TMEM223: variants seen among roughly 807,000 people sequenced by gnomAD.
The protein encoded by TMEM223 is transmembrane protein 223.
Under a neutral mutation model 14.1 loss-of-function variants are expected in TMEM223, and 14 were observed. That is an observed-to-expected ratio of 0.99 (90% CI 0.66 to 1.55). TMEM223 has a LOEUF of 1.55. Among genes scored for constraint, TMEM223 ranks in the 40% most tolerant of loss-of-function variants. The probability of loss-of-function intolerance (pLI) is 0.00; values close to 1 mark genes in which losing one functional copy is unlikely to be tolerated. For missense variants in TMEM223, 346 were observed against 269.9 expected (o/e 1.28, Z -1.97); for synonymous variants, 145 against 120.5 (o/e 1.20, Z -1.33).
downstream of TMEM223, among the ~76,000 whole-genome samples, chr11:62,788,815 C>G (rs1002413832): frequency 2.0e-5 from 3 of 152,192 alleles, no homozygotes; most frequent in African/African-American, 7.2e-5. Context: ...TATTCATTGC[C>G]TATTTTCTGA....
chr11:62,787,096 G>C (rs764099397), downstream of TMEM223: 3 of 1,541,674 alleles, frequency 1.9e-6, no homozygotes, highest in South Asian at 3.5e-5. Context: ...CCCGCGCGGC[G>C]CCCCGCACTT....
chr11:62,789,702 A>G (rs1042190018), downstream of TMEM223: 1 of 1,529,324 alleles, frequency 6.5e-7, no homozygotes, highest in Admixed American at 2.2e-5. Context: ...GATAGGAGGA[A>G]AAACTGACAT....
chr11:62,787,144 T>C (rs754426905), downstream of TMEM223: 1 of 1,568,902 alleles, frequency 6.4e-7, no homozygotes, highest in South Asian at 1.1e-5. Context: ...TGGGAGGCGC[T>C]GCCGCGGGCG....
intron 2 of TMEM223, among the ~76,000 whole-genome samples, chr11:62,774,395 A>G (rs2084170517): frequency 6.6e-6 from 1 of 152,124 alleles, no homozygotes; most frequent in African/African-American, 2.4e-5. Flanking sequence ...TCTTTATTTC[A>G]AAGACAATGG....
chr11:62,787,466 C>T (rs773006201), downstream of TMEM223: 11 of 1,575,510 alleles, frequency 7.0e-6, no homozygotes, highest in Admixed American at 1.7e-5. Context: ...GTCGAGCTTG[C>T]GCTCTTTGCT....
At chr11:62,789,148 C>T (rs755966443), downstream of TMEM223, 3 of 1,614,164 alleles carry the variant, frequency 1.9e-6, no homozygotes, top group East Asian at 2.2e-5. Context: ...GCCTCTTGGC[C>T]CTCTACTGCC....
chr11:62,779,950 G>A (rs2084214696), intron 1 of TMEM223, among the ~76,000 whole-genome samples: 2 of 126,926 alleles, frequency 1.6e-5, no homozygotes, highest in South Asian at 5.2e-4. Context: ...ACAGGCGTGA[G>A]CCTATATATA....
downstream of TMEM223, chr11:62,789,120 T>A: frequency 6.2e-7 from 1 of 1,614,170 alleles, no homozygotes; most frequent in Non-Finnish European, 8.5e-7. Context: ...CTGTGCTACT[T>A]TGTAGCTGGG....
At chr11:62,787,678 C>T (rs2084303712), downstream of TMEM223, 3 of 1,013,156 alleles carry the variant, frequency 3.0e-6, no homozygotes, top group South Asian at 3.4e-5. Flanking sequence ...TGAAATGCAG[C>T]GAGGCTAATC....
intron 1 of TMEM223, among the ~76,000 whole-genome samples, chr11:62,780,936 C>CAAA (rs1302371766): frequency 1.9e-5 from 1 of 52,292 alleles, no homozygotes. Context: ...GACTCCATCT[C>CAAA]AAAAAAAAAA....
intron 1 of TMEM223, chr11:62,775,641 G>A (rs1267563918): frequency 1.0e-6 from 1 of 957,814 alleles, no homozygotes; most frequent in Non-Finnish European, 1.5e-6. Flanking sequence ...TCCTCATCTG[G>A]GTACTCAGAG....
At chr11:62,789,464 T>TAC (rs908735482), downstream of TMEM223, 1 of 1,613,130 alleles carries the variant, frequency 6.2e-7, no homozygotes, top group Non-Finnish European at 8.5e-7. Context: ...TGGGGCTGAC[T>TAC]ACCTTCCCTC....
chr11:62,791,961 G>A lies in TMEM223; in HGVS notation c.34C>T (p.Leu12=). The change falls in exon 1 of 2, where the codon CTG becomes TTG. Residue 12 remains leucine, a synonymous_variant. Transcript: ENST00000307366. ...AGCAGGGGCCGCAGCACGGCTAGCA[G>A]CCCCGTGGGCCATCGCCTCCAAGGC... ...AAPWRRWPTG[L]LAVLRPLLTC... is the part of the protein sequence containing the mutation. 1.3e-6 allele frequency: 2 copies of A among 1,569,356 alleles called. No individual in the cohort carries two copies. The highest frequency in any genetic ancestry group is 1.2e-5 in the South Asian group (1 of 86,708).
At chr11:62,782,069 C>G (rs190224657) in intron 1 of TMEM223, 1 of 1,589,320 alleles carries the variant, frequency 6.3e-7, no homozygotes, top group East Asian at 2.2e-5. Context: ...TGGGCTCCTG[C>G]CTGTCCCCTC....
downstream of TMEM223, among the ~76,000 whole-genome samples, chr11:62,788,433 GGT>G (rs1274495042): frequency 1.3e-5 from 2 of 151,718 alleles, no homozygotes; most frequent in East Asian, 3.9e-4. Flanking sequence ...GGCCGGGCCT[GGT>G]GGCTCACGCC....
chr11:62,787,870 C>T (rs1205344712), downstream of TMEM223: 1 of 592,608 alleles, frequency 1.7e-6, no homozygotes, highest in Non-Finnish European at 3.2e-6. Flanking sequence ...AAATCAGAAG[C>T]CATTTGTGCT....
intron 1 of TMEM223, among the ~76,000 whole-genome samples, chr11:62,791,164 G>A (rs561700850): frequency 6.6e-6 from 1 of 152,100 alleles, no homozygotes; most frequent in Non-Finnish European, 1.5e-5. Flanking sequence ...ATGGGAAGAT[G>A]GAGAGCTTTA....
chr11:62,783,070 AC>A (rs2084242141), downstream of TMEM223, among the ~76,000 whole-genome samples: 6 of 152,220 alleles, frequency 3.9e-5, no homozygotes, highest in South Asian at 1.2e-3. Flanking sequence ...CTATATTATC[AC>A]ATTAAGAAAT....
At chr11:62,771,342 T>C (rs2134691738), downstream of TMEM223, 1 of 152,492 alleles carries the variant, frequency 6.6e-6, no homozygotes, top group Admixed American at 6.6e-5. Flanking sequence ...CCGGAAACTT[T>C]CCAAGGCGCC....
Sources: allele counts gnomAD v4.1 joint callset (sites outside exome capture counted in the v4.1 genomes callset), GRCh38; gene constraint gnomAD v4.1.1; transcripts MANE v1.5; gene names NCBI Gene and HGNC (gene_info 2026-07-23, HGNC 2026-07-21).